ANO1: variants seen among roughly 807,000 people sequenced by gnomAD.
ANO1 encodes anoctamin 1.
Under a neutral mutation model 124.0 loss-of-function variants are expected in ANO1, and 59 were observed. That is an observed-to-expected ratio of 0.48 (90% CI 0.39 to 0.59). The LOEUF is 0.59. Among genes scored for constraint, ANO1 ranks in the 20% least tolerant of loss-of-function variants. The pLI, the probability that ANO1 is intolerant of heterozygous loss-of-function variation, is 0.00. For missense variants in ANO1, 1,059 were observed against 1,328.0 expected (o/e 0.80, Z 3.15); for synonymous variants, 529 against 532.0 (o/e 0.99, Z 0.08).
chr11:70,082,088 A>T lies in ANO1; in HGVS notation c.108+3374A>T, dbSNP rs549777533. On this transcript the variant is annotated intron_variant, in intron 1 of 25. Coordinates refer to ENST00000355303, the MANE Select transcript of ANO1 (RefSeq NM_018043.7). ...CACAGATGAGAAAACTGAGGCTCCCAGTTGGGGGTTGTGGTGTTTAAGTTG... is the reference window on the plus strand; with the variant it reads ...CACAGATGAGAAAACTGAGGCTCCCTGTTGGGGGTTGTGGTGTTTAAGTTG... Among the ~76,000 whole-genome samples the T allele has an allele frequency of 4.3e-4, 65 of 152,328 alleles. 1 individual carries two copies. Among genetic ancestry groups the T allele is most frequent in the Non-Finnish European group, 7.3e-4 (50 of 68,034 alleles).
At chr11:69,976,957 C>T in the ANO1 span, among the ~76,000 whole-genome samples, 1 of 152,206 alleles carries the variant, frequency 6.6e-6, no homozygotes, top group Non-Finnish European at 1.5e-5. Flanking sequence ...GCTCCAGGGG[C>T]TGCTGTTAAT....
intron 8 of ANO1, among the ~76,000 whole-genome samples, chr11:70,116,740 G>A (rs2045991216): frequency 2.0e-5 from 3 of 152,190 alleles, no homozygotes; most frequent in African/African-American, 4.8e-5. Flanking sequence ...GCAGGTGACC[G>A]TGAGCATGGG....
Position 70,002,081 on chromosome 11 carries a change from T to A in ANO1, c.58+15915T>A, listed in dbSNP as rs1260751099. Among the ~76,000 whole-genome samples, 6 of 152,202 alleles carry A rather than the reference T, an allele frequency of 3.9e-5. No homozygotes were observed. In the East Asian group the frequency reaches 1.2e-3, roughly 29 times the overall value. ...CATAAGATTGGATGGCCTCAATCTG[T>A]GCTATTACAATCTTAGGTGGTCCCG... is the stretch of plus-strand genomic sequence containing the variant. On this transcript the variant is annotated intron_variant, in intron 1 of 27. Transcript: ENST00000531349.
At chr11:70,110,806 T>C (rs780166715) in intron 6 of ANO1, among the ~76,000 whole-genome samples, 2 of 152,182 alleles carry the variant, frequency 1.3e-5, no homozygotes, top group Non-Finnish European at 2.9e-5. Context: ...GCCCCCACGA[T>C]GTATTTGGAG....
At position 70,152,471 on chromosome 11, in the gene ANO1, T is replaced by A. The variant is rs1482450508; in HGVS notation, c.1353+10T>A. Reference sequence around the variant, plus strand: ...GAAGGAGGCTGTCAAGGTTTGGAACTTTTTGTCGCTCCTCTATCTTCCCAC... The same window carrying A: ...GAAGGAGGCTGTCAAGGTTTGGAACATTTTGTCGCTCCTCTATCTTCCCAC... On this transcript the variant is annotated intron_variant, in intron 13 of 25. Transcript: ENST00000355303. 6.2e-7 allele frequency: 1 copy of A among 1,612,710 alleles called. No homozygotes were observed. Among genetic ancestry groups the A allele is most frequent in the Non-Finnish European group, 8.5e-7 (1 of 1,179,130 alleles).
chr11:70,095,007 G>T (rs376650291), intron 2 of ANO1, among the ~76,000 whole-genome samples: 1 of 152,106 alleles, frequency 6.6e-6, no homozygotes, highest in Admixed American at 6.6e-5. Flanking sequence ...AGGAGATCAA[G>T]TCCAGCTTGG....
At chr11:70,011,468 A>G (rs1856597372) in intron 1 of ANO1, among the ~76,000 whole-genome samples, 1 of 152,158 alleles carries the variant, frequency 6.6e-6, no homozygotes, top group Admixed American at 6.5e-5. Context: ...ACACCCAGGT[A>G]CTCAGACCAG....
chr11:70,019,243 CCA>C (rs59812752), intron 1 of ANO1, among the ~76,000 whole-genome samples: 1,792 of 122,066 alleles, frequency 0.015, 94 homozygotes, highest in Non-Finnish European at 0.02. Flanking sequence ...AAGAACCCCC[CCA>C]CACACACACA....
chr11:70,066,916 C>T (rs1188974140), intron 1 of ANO1, among the ~76,000 whole-genome samples: 1 of 152,170 alleles, frequency 6.6e-6, no homozygotes, highest in Non-Finnish European at 1.5e-5. Context: ...GTCCCCACTC[C>T]CAGGCCCATG....
In ANO1 at chr11:70,095,267, G is replaced by GGAAAGAAA. The variant is rs1565193017; in HGVS notation, c.441+7186_441+7187insAGAAAGAA. 6.4e-4 allele frequency among the ~76,000 whole-genome samples: 46 copies of GGAAAGAAA among 71,350 alleles called. 2 individuals are homozygous for GGAAAGAAA. The highest frequency in any genetic ancestry group is 2.8e-3 in the African/African-American group (46 of 16,148). 46.8% of individuals were successfully genotyped at this position (71,350 alleles called of 152,430 possible). A position where few individuals can be genotyped will look rare whatever the true frequency, so the allele number is the denominator to read the frequency against. ...AAAAAGAAAGGAAGGAAGGAAGGAA[G>GGAAAGAAA]GAAGGAAGGAAGGAAGGAAGGAAGG... is the stretch of plus-strand genomic sequence containing the variant. On this transcript the variant is annotated intron_variant, in intron 2 of 25. Coordinates refer to ENST00000355303, the MANE Select transcript of ANO1 (RefSeq NM_018043.7).
chr11:70,179,958 C>G, intron 22 of ANO1, 46 bp from the exon 23 acceptor site: 1 of 1,564,714 alleles, frequency 6.4e-7, no homozygotes, highest in Non-Finnish European at 8.8e-7. Context: ...GCTGGAATGA[C>G]TGAGAGTGTA....
At chr11:70,138,762 TA>T (rs1459632753) in intron 11 of ANO1, among the ~76,000 whole-genome samples, 3 of 152,182 alleles carry the variant, frequency 2.0e-5, no homozygotes, top group Admixed American at 1.3e-4. Flanking sequence ...CTTTTTTTTT[TA>T]GTTGCAGTTT....
At chr11:70,162,721 G>C (rs2048105733) in intron 18 of ANO1, among the ~76,000 whole-genome samples, 1 of 152,136 alleles carries the variant, frequency 6.6e-6, no homozygotes. Flanking sequence ...CTGGCCCAGG[G>C]TCCCAGGGCC....
chr11:70,167,684 G>T (rs1362864250), intron 21 of ANO1, among the ~76,000 whole-genome samples: 3 of 117,990 alleles, frequency 2.5e-5, no homozygotes, highest in Non-Finnish European at 5.9e-5. Context: ...CAGTCCCCAG[G>T]TATGGTCCCC....
chr11:70,085,339 C>T lies in ANO1; in HGVS notation c.109-2413C>T, dbSNP rs937858484. On this transcript the variant is annotated intron_variant, in intron 1 of 25. Transcript: ENST00000355303. The stretch of plus-strand genomic sequence containing the variant: ...CCCTTCCCCCTGAGCCCTCCCAAGC[C>T]ACCCACCCACATGGGCGTGGTCGTG... 10 of 1,420,102 alleles carry T rather than the reference C, an allele frequency of 7.0e-6. No individual in the cohort carries two copies. The African/African-American group carries it at 1.2e-4, about 16-fold the overall frequency. The allele number at this position is 1,420,102 out of a possible 1,614,324, so 88.0% of individuals were successfully genotyped here.
chr11:69,977,460 C>G, the ANO1 span, among the ~76,000 whole-genome samples: 1 of 152,208 alleles, frequency 6.6e-6, no homozygotes, highest in Non-Finnish European at 1.5e-5. Context: ...CTGACAGATC[C>G]TGGTGTGAGT....
chr11:70,031,069 T>G (rs1336079400), intron 1 of ANO1, among the ~76,000 whole-genome samples: 1 of 152,138 alleles, frequency 6.6e-6, no homozygotes, highest in Non-Finnish European at 1.5e-5. Flanking sequence ...CTCAGCTTCC[T>G]TAGTAGCTGG....
intron 1 of ANO1, among the ~76,000 whole-genome samples, chr11:70,031,712 G>A (rs375828065): frequency 2.1e-4 from 32 of 152,340 alleles, no homozygotes; most frequent in Middle Eastern, 3.4e-3. Flanking sequence ...CTGAGGCGCA[G>A]TGGCTGTCAC....
chr11:70,032,249 G>C (rs1265232066), intron 1 of ANO1, among the ~76,000 whole-genome samples: 5 of 152,218 alleles, frequency 3.3e-5, no homozygotes, highest in Non-Finnish European at 7.3e-5. Context: ...CCTCTGTCAG[G>C]AGAGAAGCAG....
Sources: allele counts gnomAD v4.1 joint callset (sites outside exome capture counted in the v4.1 genomes callset), GRCh38; gene constraint gnomAD v4.1.1; transcripts MANE v1.5; gene names NCBI Gene and HGNC (gene_info 2026-07-23, HGNC 2026-07-21).